RAI14: variants seen among roughly 807,000 people sequenced by gnomAD.
RAI14 encodes ankycorbin.
Under a neutral mutation model 115.4 loss-of-function variants are expected in RAI14, and 45 were observed. The observed-to-expected ratio is 0.39, with a 90% CI of 0.31 to 0.50. The LOEUF is 0.50. Ranked by LOEUF, RAI14 falls within the 20% of genes least tolerant of loss-of-function variation. RAI14 has a pLI of 0.85. For synonymous variants in RAI14, 371 were observed against 415.4 expected (o/e 0.89, Z 1.30); for missense variants, 939 against 1,131.2 (o/e 0.83, Z 2.44).
At chr5:34,713,564 A>T (rs1741654105) in intron 2 of RAI14, among the ~76,000 whole-genome samples, 1 of 152,168 alleles carries the variant, frequency 6.6e-6, no homozygotes, top group South Asian at 2.1e-4. Context: ...TTTTAAAAAA[A>T]TTTTAAACAT....
At chr5:34,796,070 A>G in intron 4 of RAI14, 43 bp downstream of exon 4, 1 of 1,476,404 alleles carries the variant, frequency 6.8e-7, no homozygotes, top group South Asian at 1.2e-5. Flanking sequence ...CCAGCACCAG[A>G]TTAGGTATCA....
intron 2 of RAI14, among the ~76,000 whole-genome samples, chr5:34,753,514 A>G (rs1747421519): frequency 6.6e-6 from 1 of 152,092 alleles, no homozygotes; most frequent in Non-Finnish European, 1.5e-5. Flanking sequence ...ACGGTGGCTC[A>G]CACGCCTGTA....
chr5:34,686,537 A>G (rs905765991), intron 1 of RAI14: 35 of 159,630 alleles, frequency 2.2e-4, no homozygotes, highest in Non-Finnish European at 4.2e-4. Flanking sequence ...GAGGCAATGC[A>G]TATGTTAATT....
At chr5:34,684,917 G>A (rs1744695551) in intron 1 of RAI14, 1 of 152,196 alleles carries the variant, frequency 6.6e-6, no homozygotes, top group Non-Finnish European at 1.5e-5. Context: ...AAGGTCACCT[G>A]TTCTCACTTG....
At chr5:34,738,563 G>T (rs974485910) in intron 2 of RAI14, among the ~76,000 whole-genome samples, 2 of 152,148 alleles carry the variant, frequency 1.3e-5, no homozygotes, top group Admixed American at 6.6e-5. Flanking sequence ...GCCTTTTGTG[G>T]TGACACCAAG....
rs995206586 is a variant in RAI14, at chr5:34,818,881, T to A, written c.994+30T>A. On this transcript the variant is annotated intron_variant, in intron 13 of 17. Coordinates refer to ENST00000265109, the MANE Select transcript of RAI14 (RefSeq NM_015577.3). ...GACAAGGAAGCATCTGTTTTTTTTT[T>A]TCCTTCAACCAAACTATTTCATGTC... is the stretch of plus-strand genomic sequence containing the variant. 1.9e-6 allele frequency: 3 copies of A among 1,576,268 alleles called. No individual in the cohort carries two copies. The African/African-American group carries it at 4.1e-5, about 22-fold the overall frequency.
intron 3 of RAI14, among the ~76,000 whole-genome samples, chr5:34,766,532 A>T (rs1192741922): frequency 6.6e-6 from 1 of 151,996 alleles, no homozygotes; most frequent in African/African-American, 2.4e-5. Context: ...AATTTCTCCC[A>T]TTTGGAATGG....
At position 34,827,448 on chromosome 5, in the gene RAI14, T is replaced by G. The variant is rs75729929; in HGVS notation, c.2799+969T>G. On this transcript the variant is annotated intron_variant, in intron 16 of 17. Coordinates refer to ENST00000265109, the MANE Select transcript of RAI14 (RefSeq NM_015577.3). This position sits in a 1 kb window ranked among gnomAD's most constrained non-coding sequence, Gnocchi z 4.2. Reference sequence around the variant, plus strand: ...TAAGGTTTGAGTTGGCATGGGTACATTCCGTTTTCTACCTAAAGTCCAGGG... The same window carrying G: ...TAAGGTTTGAGTTGGCATGGGTACAGTCCGTTTTCTACCTAAAGTCCAGGG... Among the ~76,000 whole-genome samples, 2,624 of 152,318 alleles carry G rather than the reference T, an allele frequency of 0.017. 74 individuals are homozygous for G. Among genetic ancestry groups the G allele is most frequent in the African/African-American group, 0.058 (2,427 of 41,558 alleles).
At chr5:34,740,083 T>A (rs1745318466) in intron 2 of RAI14, among the ~76,000 whole-genome samples, 1 of 152,108 alleles carries the variant, frequency 6.6e-6, no homozygotes, top group South Asian at 2.1e-4. Flanking sequence ...ACAGTCCCTG[T>A]TCTTGAGCTC....
intron 2 of RAI14, among the ~76,000 whole-genome samples, chr5:34,724,072 G>A (rs916487751): frequency 1.3e-5 from 2 of 152,024 alleles, no homozygotes; most frequent in African/African-American, 2.4e-5. Context: ...GCTGGAGTGC[G>A]GTGGCGCAAT....
At chr5:34,687,773 A>G in intron 2 of RAI14, 4 of 1,532,596 alleles carry the variant, frequency 2.6e-6, no homozygotes, top group Middle Eastern at 1.7e-4. Flanking sequence ...AGGCGAGGTA[A>G]TTAAAGATGA....
chr5:34,828,878 G>C (rs967187205), intron 16 of RAI14, among the ~76,000 whole-genome samples: 1 of 152,146 alleles, frequency 6.6e-6, no homozygotes, highest in African/African-American at 2.4e-5. Context: ...ATTATACAAT[G>C]CTGGCCATAT....
chr5:34,806,576 A>C (rs1231795427), intron 5 of RAI14, among the ~76,000 whole-genome samples: 1 of 151,528 alleles, frequency 6.6e-6, no homozygotes, highest in Non-Finnish European at 1.5e-5. Flanking sequence ...TTGACAGGGC[A>C]TGGTGGTCCA....
chr5:34,665,912 G>A (rs1743165056), intron 1 of RAI14, among the ~76,000 whole-genome samples: 1 of 152,116 alleles, frequency 6.6e-6, no homozygotes, highest in South Asian at 2.1e-4. Context: ...TTGAAAACTA[G>A]TCATCGGTTG....
Position 34,827,946 on chromosome 5 carries a change from T to C in RAI14, c.2799+1467T>C, listed in dbSNP as rs1757614404. ...CCAATCTTGCTGAGTCATGAAAAGGTTCCTACGGGAGTTACACTTGTGCTG... is the reference window on the plus strand; with the variant it reads ...CCAATCTTGCTGAGTCATGAAAAGGCTCCTACGGGAGTTACACTTGTGCTG... On this transcript the variant is annotated intron_variant, in intron 16 of 17. Coordinates refer to ENST00000265109, the MANE Select transcript of RAI14 (RefSeq NM_015577.3). This position sits in a 1 kb window ranked among gnomAD's most constrained non-coding sequence, Gnocchi z 4.2. Among the ~76,000 whole-genome samples the C allele has an allele frequency of 2.6e-5, 4 of 152,270 alleles. No homozygotes were observed. The South Asian group carries it at 8.3e-4, about 32-fold the overall frequency.
intron 1 of RAI14, among the ~76,000 whole-genome samples, chr5:34,668,125 G>A (rs1370040998): frequency 1.3e-5 from 2 of 152,088 alleles, no homozygotes; most frequent in African/African-American, 4.8e-5. Flanking sequence ...GACAGGGGTG[G>A]ACTCACGCGT....
At chr5:34,777,470 C>T (rs974093275) in intron 3 of RAI14, among the ~76,000 whole-genome samples, 5 of 151,626 alleles carry the variant, frequency 3.3e-5, no homozygotes, top group African/African-American at 1.2e-4. Flanking sequence ...ACCAAAAAAA[C>T]AAACAAAAAC....
intron 14 of RAI14, among the ~76,000 whole-genome samples, chr5:34,822,086 ATATTC>A (rs1756889617): frequency 6.7e-6 from 1 of 149,990 alleles, no homozygotes; most frequent in Non-Finnish European, 1.5e-5. Context: ...TCAGTATTAA[ATATTC>A]TATATGTTTA....
intron 2 of RAI14, among the ~76,000 whole-genome samples, chr5:34,756,953 C>T (rs1275617966): frequency 6.6e-6 from 1 of 152,146 alleles, no homozygotes; most frequent in Non-Finnish European, 1.5e-5. Flanking sequence ...TACTTAAAAT[C>T]AGTATCCAGC....
Sources: allele counts gnomAD v4.1 joint callset (sites outside exome capture counted in the v4.1 genomes callset), GRCh38; gene constraint gnomAD v4.1.1; non-coding constraint Gnocchi (gnomAD v3.1); transcripts MANE v1.5; gene names NCBI Gene and HGNC (gene_info 2026-07-23, HGNC 2026-07-21).